DYNC1I1: variants seen among roughly 807,000 people sequenced by gnomAD.
DYNC1I1 encodes cytoplasmic dynein 1 intermediate chain 1.
DYNC1I1 carries 43 observed loss-of-function variants against 86.6 expected under a neutral mutation model. The ratio of observed to expected loss-of-function variants is 0.50; its 90% CI spans 0.39 to 0.64. The LOEUF is 0.64. Ranked by LOEUF, DYNC1I1 falls within the 30% of genes least tolerant of loss-of-function variation. DYNC1I1 has a pLI of 0.00. For missense variants in DYNC1I1, 604 were observed against 788.8 expected (o/e 0.77, Z 2.81); for synonymous variants, 262 against 283.7 (o/e 0.92, Z 0.77).
chr7:96,042,047 A>G (rs890703551), intron 14 of DYNC1I1, among the ~76,000 whole-genome samples: 1 of 152,184 alleles, frequency 6.6e-6, no homozygotes, highest in African/African-American at 2.4e-5. Flanking sequence ...TATGTTTGGT[A>G]TACATTCCTA....
chr7:96,010,449 T>C (rs916550241), intron 10 of DYNC1I1, among the ~76,000 whole-genome samples: 23 of 152,342 alleles, frequency 1.5e-4, no homozygotes, highest in African/African-American at 4.3e-4. Context: ...TTCCTAAGCC[T>C]GGTTCTTATT....
intron 5 of DYNC1I1, among the ~76,000 whole-genome samples, chr7:95,830,653 A>G (rs184541412): frequency 3.4e-4 from 52 of 152,298 alleles, no homozygotes; most frequent in Admixed American, 2.2e-3. Flanking sequence ...TAGAACTGCT[A>G]TAAACATTCA....
intron 5 of DYNC1I1, among the ~76,000 whole-genome samples, chr7:95,863,264 A>C (rs1789937536): frequency 6.6e-6 from 1 of 152,252 alleles, no homozygotes; most frequent in Admixed American, 6.5e-5. Context: ...ATAGTGAGAC[A>C]AAAAGGCTAC....
Position 95,827,731 on chromosome 7 carries a change from GTGGTTT to G in DYNC1I1, c.315-325_315-320del, listed in dbSNP as rs1420150794. 3.3e-5 allele frequency among the ~76,000 whole-genome samples: 5 copies of G among 152,274 alleles called. No individual in the cohort carries two copies. In the East Asian group the frequency reaches 7.7e-4, roughly 23 times the overall value. On this transcript the variant is annotated intron_variant, in intron 4 of 16. Transcript: ENST00000447467. ...CTCTGGGGTGTCAGAGATACATGCA[GTGGTTT>G]ACTTGCCCAAATCAATGAGGCTTCA...
At chr7:95,836,719 C>G (rs1009847973) in intron 5 of DYNC1I1, among the ~76,000 whole-genome samples, 2 of 152,094 alleles carry the variant, frequency 1.3e-5, no homozygotes, top group African/African-American at 4.8e-5. Context: ...TCATTCATTT[C>G]ATCTTCCATT....
chr7:95,992,204 G>C (rs1793747442), intron 9 of DYNC1I1, among the ~76,000 whole-genome samples: 1 of 152,090 alleles, frequency 6.6e-6, no homozygotes, highest in Admixed American at 6.6e-5. Context: ...CTTAGCACTT[G>C]TCATGGTCTG....
intron 10 of DYNC1I1, among the ~76,000 whole-genome samples, chr7:96,025,961 C>G (rs1385776825): frequency 6.6e-6 from 1 of 151,956 alleles, no homozygotes; most frequent in African/African-American, 2.4e-5. Context: ...TTGGTAAATT[C>G]AATTGTCGAT....
chr7:95,813,369 G>A, intron 4 of DYNC1I1, 32 bp downstream of exon 4: 1 of 1,551,136 alleles, frequency 6.4e-7, no homozygotes, highest in South Asian at 1.2e-5. Flanking sequence ...GGCCATGATG[G>A]GTGTCAATTA....
chr7:95,872,072 A>C (rs10225580), intron 6 of DYNC1I1, among the ~76,000 whole-genome samples: 148,669 of 152,310 alleles, frequency 0.98, 72,661 homozygotes, highest in East Asian at 1. Context: ...GCCCGGCCAT[A>C]GAGGGTGCTG....
At chr7:95,947,878 C>T (rs549060082) in intron 6 of DYNC1I1, among the ~76,000 whole-genome samples, 17 of 152,186 alleles carry the variant, frequency 1.1e-4, no homozygotes, top group African/African-American at 3.9e-4. Flanking sequence ...ACAGAAAAGG[C>T]CACTAAGTAT....
At chr7:96,041,076 T>C (rs1266069889) in intron 14 of DYNC1I1, among the ~76,000 whole-genome samples, 4 of 151,882 alleles carry the variant, frequency 2.6e-5, no homozygotes, top group Non-Finnish European at 5.9e-5. Flanking sequence ...AGAGCAATAC[T>C]TAGGAAATAA....
chr7:95,964,596 G>A, intron 6 of DYNC1I1, among the ~76,000 whole-genome samples: 1 of 152,168 alleles, frequency 6.6e-6, no homozygotes, highest in East Asian at 1.9e-4. Flanking sequence ...ATTCTAGTGG[G>A]TCTAGAATTC....
chr7:95,924,746 C>T (rs1311849023), intron 6 of DYNC1I1, among the ~76,000 whole-genome samples: 1 of 152,168 alleles, frequency 6.6e-6, no homozygotes, highest in Non-Finnish European at 1.5e-5. Context: ...TAGTACAGCA[C>T]AGTGGTTCAA....
intron 6 of DYNC1I1, among the ~76,000 whole-genome samples, chr7:95,894,647 T>C (rs759257294): frequency 4.6e-5 from 7 of 152,200 alleles, no homozygotes; most frequent in Non-Finnish European, 1.0e-4. Context: ...AACACATCTT[T>C]ATTAATTAAA....
chr7:95,878,349 CAAAT>C (rs1052868835), intron 6 of DYNC1I1, among the ~76,000 whole-genome samples: 8 of 151,160 alleles, frequency 5.3e-5, no homozygotes, highest in African/African-American at 1.9e-4. Flanking sequence ...TATATTTCAC[CAAAT>C]AGAGAATGTC....
intron 10 of DYNC1I1, among the ~76,000 whole-genome samples, chr7:96,019,031 G>A (rs960535385): frequency 6.6e-6 from 1 of 152,132 alleles, no homozygotes; most frequent in Non-Finnish European, 1.5e-5. Flanking sequence ...GAGGACTCAG[G>A]AGTTTGTGTT....
At chr7:96,048,822 T>C (rs1303544090) in intron 14 of DYNC1I1, among the ~76,000 whole-genome samples, 1 of 152,206 alleles carries the variant, frequency 6.6e-6, no homozygotes, top group Non-Finnish European at 1.5e-5. Flanking sequence ...ACGGTGAATG[T>C]ATTTGAAACC....
Position 95,977,591 on chromosome 7 carries a change from A to C in DYNC1I1, c.570A>C (p.Glu190Asp), listed in dbSNP as rs779940439. 2 of 1,612,932 alleles carry C rather than the reference A, an allele frequency of 1.2e-6. No homozygotes were observed. The highest frequency in any genetic ancestry group is 3.3e-5 in the Admixed American group (2 of 59,890). The change falls in exon 7 of 17, where the codon GAA becomes GAC. Residue 190 changes from glutamate to aspartate, a missense_variant. Physicochemically the swap from Glu to Asp is conservative, Grantham distance 45 (BLOSUM62 2). Coordinates refer to ENST00000447467, the MANE Select transcript of DYNC1I1 (RefSeq NM_001135556.2). ...SELENQDKKQEVKEAPPRELT... is the reference protein window; with the variant it reads ...SELENQDKKQDVKEAPPRELT... ...TGGAAAATCAGGACAAAAAACAGGA[A>C]GTGAAGGAAGGTATGATATGGAAAA...
intron 6 of DYNC1I1, among the ~76,000 whole-genome samples, chr7:95,924,468 G>A (rs1377949770): frequency 6.6e-6 from 1 of 152,086 alleles, no homozygotes; most frequent in East Asian, 1.9e-4. Flanking sequence ...ATATTATTAA[G>A]GTTACTTTCA....
Sources: gnomAD v4.1 joint callset for allele counts (sites outside exome capture counted in the v4.1 genomes callset) on GRCh38, gnomAD v4.1.1 for gene constraint, MANE v1.5 for transcripts, NCBI Gene and HGNC (gene_info 2026-07-23, HGNC 2026-07-21) for gene names.